Variants in LRRIQ1 observed in about 807,000 individuals in gnomAD.
LRRIQ1 encodes the protein leucine-rich repeat- and IQ domain-containing protein 1.
In LRRIQ1, 210 loss-of-function variants were observed where a neutral mutation model predicts 211.9. The ratio of observed to expected loss-of-function variants is 0.99; its 90% CI spans 0.89 to 1.11. LRRIQ1 has a LOEUF of 1.11. Ranked by LOEUF, LRRIQ1 falls within the 50% of genes most tolerant of loss-of-function variation. The pLI, the probability that LRRIQ1 is intolerant of heterozygous loss-of-function variation, is 0.00. For missense variants in LRRIQ1, 2,136 were observed against 1,939.5 expected, an observed-to-expected ratio of 1.10 and a Z score of -1.90; for synonymous variants, 699 against 650.1, an observed-to-expected ratio of 1.08 and a Z score of -1.14.
chr12:85,143,623 C>G (rs1164478727), intron 19 of LRRIQ1, among the ~76,000 whole-genome samples: 2 of 151,598 alleles, frequency 1.3e-5, no homozygotes, highest in Non-Finnish European at 3.0e-5. Context: ...ATGCTCCCTA[C>G]TTTAACTCAT....
chr12:85,213,552 A>G (rs1893938133), intron 24 of LRRIQ1, among the ~76,000 whole-genome samples: 1 of 152,028 alleles, frequency 6.6e-6, no homozygotes, highest in Non-Finnish European at 1.5e-5. Flanking sequence ...TTAGGCCCAC[A>G]TAGGACTTTT....
intron 23 of LRRIQ1, among the ~76,000 whole-genome samples, chr12:85,157,834 A>T (rs2660448): frequency 0.016 from 2,490 of 151,720 alleles, 66 homozygotes; most frequent in African/African-American, 0.058. Flanking sequence ...TAGTACGAAG[A>T]CCTAACATGG....
rs367637593 is a variant in LRRIQ1 at position 85,124,165 on chromosome 12, G to A, written c.3653G>A (p.Gly1218Glu). Residue 1218 changes from glycine (G) to glutamate (E), a missense_variant, in exon 17 of 27, where the codon GGG becomes GAG. Physicochemically the swap from Gly to Glu is moderately conservative, Grantham distance 98. Transcript: ENST00000393217. ...GAATACCGACATGCACACGAACGAG[G>A]GGATGTAACTATCACCAAGAAAGAT... ...STEYRHAHER[G>E]DVTITKKDES... 1.2e-6 allele frequency: 2 copies of A among 1,613,984 alleles called. No homozygotes were observed. Among genetic ancestry groups the A allele is most frequent in the Non-Finnish European group, 1.7e-6 (2 of 1,179,982 alleles).
At chr12:85,269,655 T>G in the LRRIQ1 span, among the ~76,000 whole-genome samples, 1 of 151,990 alleles carries the variant, frequency 6.6e-6, no homozygotes, top group Non-Finnish European at 1.5e-5. Flanking sequence ...AACAAGCTAA[T>G]CTACTCAAGG....
intron 15 of LRRIQ1, among the ~76,000 whole-genome samples, chr12:85,114,265 C>T (rs1343544895): frequency 6.6e-6 from 1 of 151,918 alleles, no homozygotes; most frequent in African/African-American, 2.4e-5. Flanking sequence ...TTCCTAGTAA[C>T]TATACGGGCC....
chr12:85,053,722 T>C (rs1880609680), intron 7 of LRRIQ1, among the ~76,000 whole-genome samples: 1 of 152,228 alleles, frequency 6.6e-6, no homozygotes, highest in Non-Finnish European at 1.5e-5. Context: ...GTTTTTTGTT[T>C]TTTAAGATGG....
intron 19 of LRRIQ1, among the ~76,000 whole-genome samples, chr12:85,148,091 T>C (rs1051494972): frequency 1.3e-5 from 2 of 151,862 alleles, no homozygotes; most frequent in Non-Finnish European, 2.9e-5. Context: ...TGATAATAAT[T>C]CTCAAGTAGC....
At chr12:85,112,310 T>G (rs1887235355) in intron 15 of LRRIQ1, among the ~76,000 whole-genome samples, 2 of 151,742 alleles carry the variant, frequency 1.3e-5, no homozygotes, top group South Asian at 4.1e-4. Context: ...TCCTCTCTTT[T>G]ATTTACACAT....
chr12:85,154,111 C>G lies in LRRIQ1; in HGVS notation c.4720+17C>G. ...AAAAAATAGGTGAGTAATTAGTGCTCTTTGAATAATAACTGTGTATGGAAA... is the reference window on the plus strand; with the variant it reads ...AAAAAATAGGTGAGTAATTAGTGCTGTTTGAATAATAACTGTGTATGGAAA... On this transcript the variant is annotated intron_variant, in intron 23 of 26. Coordinates refer to ENST00000393217, the MANE Select transcript of LRRIQ1 (RefSeq NM_001079910.2). The G allele has an allele frequency of 1.4e-6, 2 of 1,385,400 alleles. No homozygotes were observed. Among genetic ancestry groups the G allele is most frequent in the South Asian group, 2.9e-5 (2 of 68,656 alleles). The allele number at this position is 1,385,400 out of a possible 1,614,324, so 85.8% of individuals were successfully genotyped here.
intron 10 of LRRIQ1, among the ~76,000 whole-genome samples, chr12:85,070,066 G>T (rs1300144709): frequency 3.3e-5 from 5 of 151,992 alleles, no homozygotes; most frequent in Non-Finnish European, 7.4e-5. Context: ...ATGGATTAAA[G>T]ACTTAAATGT....
At chr12:85,155,133 T>A (rs986832745) in intron 23 of LRRIQ1, among the ~76,000 whole-genome samples, 9 of 151,570 alleles carry the variant, frequency 5.9e-5, no homozygotes, top group African/African-American at 9.7e-5. Context: ...GTGATTCATT[T>A]TTATATTCTG....
intron 9 of LRRIQ1, 115 bp downstream of exon 9, chr12:85,065,529 A>G: frequency 1.3e-6 from 1 of 755,948 alleles, no homozygotes; most frequent in Non-Finnish European, 1.9e-6. Context: ...CCTGTAACTC[A>G]GAGCCTGAAG....
At chr12:85,049,218 T>C (rs1455271757) in intron 6 of LRRIQ1, among the ~76,000 whole-genome samples, 4 of 152,254 alleles carry the variant, frequency 2.6e-5, no homozygotes, top group African/African-American at 4.8e-5. Flanking sequence ...GTTTGTTAGC[T>C]GCCTCTCCAT....
chr12:85,217,780 C>CTA (rs141432283), intron 24 of LRRIQ1, among the ~76,000 whole-genome samples: 1 of 128,096 alleles, frequency 7.8e-6, no homozygotes, highest in East Asian at 2.0e-4. Flanking sequence ...GTGTCTCTCT[C>CTA]TATATATATA....
At chr12:85,227,585 G>T (rs1483858932) in intron 24 of LRRIQ1, among the ~76,000 whole-genome samples, 2 of 152,038 alleles carry the variant, frequency 1.3e-5, no homozygotes, top group African/African-American at 4.8e-5. Context: ...TCGTGAAAAT[G>T]GCCATACTGC....
chr12:85,250,905 TATATA>T (rs1356979650), intron 1 of LRRIQ1, among the ~76,000 whole-genome samples: 2 of 101,786 alleles, frequency 2.0e-5, no homozygotes, highest in Non-Finnish European at 3.6e-5. Flanking sequence ...TTATATATTA[TATATA>T]ATATATTTTA....
rs183540870 is a variant in LRRIQ1 at position 85,184,841 on chromosome 12, C to G, written c.4822+24127C>G. Among the ~76,000 whole-genome samples the G allele has an allele frequency of 2.1e-3, 323 of 151,976 alleles. 1 individual carries two copies. Among genetic ancestry groups the G allele is most frequent in the Non-Finnish European group, 8.8e-4 (60 of 67,860 alleles). On this transcript the variant is annotated intron_variant, in intron 24 of 26. Coordinates refer to ENST00000393217, the MANE Select transcript of LRRIQ1 (RefSeq NM_001079910.2). ...TAAACATACGTTTGATACTTTTTCT[C>G]TTTGTACAGTTAATAAAGCTATGGA...
chr12:85,153,736 G>GA lies in LRRIQ1; in HGVS notation c.4624dup (p.Ile1542AsnfsTer8), dbSNP rs745692987. On this transcript the variant is annotated frameshift_variant, in exon 22 of 27. Transcript: ENST00000393217. LOFTEE classifies it high-confidence loss of function. ...AAAGAGTTTGCTAAAATCTGAAAAA[G>GA]AAAAAAAAATTTCAGAAGAATGGTA... is the stretch of plus-strand genomic sequence containing the variant. 254 of 1,556,146 alleles carry GA rather than the reference G, an allele frequency of 1.6e-4. No homozygotes were observed. The highest frequency in any genetic ancestry group is 4.6e-4 in the Admixed American group (23 of 50,326).
chr12:85,169,319 CTAAA>C (rs1891299316), intron 24 of LRRIQ1, among the ~76,000 whole-genome samples: 1 of 152,026 alleles, frequency 6.6e-6, no homozygotes, highest in Middle Eastern at 3.4e-3. Flanking sequence ...AGTAACAAAA[CTAAA>C]TAAAATTGAA....
Sources: gnomAD v4.1 joint callset for allele counts (sites outside exome capture counted in the v4.1 genomes callset) on GRCh38, gnomAD v4.1.1 for gene constraint, MANE v1.5 for transcripts, NCBI Gene and HGNC (gene_info 2026-07-23, HGNC 2026-07-21) for gene names.